The following EPSTI1 variants were observed in gnomAD, a reference collection of about 807,000 sequenced individuals.
The protein encoded by EPSTI1 is epithelial stromal interaction 1.
EPSTI1 carries 66 observed loss-of-function variants against 49.9 expected under a neutral mutation model. The observed-to-expected ratio is 1.32, with a 90% CI of 1.08 to 1.62. The LOEUF (loss-of-function observed/expected upper bound fraction) is 1.62. Among genes scored for constraint, EPSTI1 ranks in the 40% most tolerant of loss-of-function variants. EPSTI1 has a pLI of 0.00. For synonymous variants in EPSTI1, 137 were observed against 130.7 expected (o/e 1.05, Z -0.33); for missense variants, 394 against 365.5 (o/e 1.08, Z -0.64).
At chr13:42,956,735 C>T (rs748842549) in intron 5 of EPSTI1, among the ~76,000 whole-genome samples, 4 of 152,068 alleles carry the variant, frequency 2.6e-5, no homozygotes, top group Non-Finnish European at 5.9e-5. Flanking sequence ...AGGGGCATTC[C>T]CAGAACTTAA....
intron 3 of EPSTI1, 133 bp downstream of exon 3, chr13:42,968,961 T>G: frequency 1.5e-6 from 1 of 657,280 alleles, no homozygotes; most frequent in South Asian, 1.7e-5. Context: ...CACAATTAAA[T>G]GCATTCCACC....
chr13:42,960,909 C>T (rs1225165414), intron 5 of EPSTI1, among the ~76,000 whole-genome samples: 1 of 152,162 alleles, frequency 6.6e-6, no homozygotes, highest in Non-Finnish European at 1.5e-5. Flanking sequence ...GCAGGATACG[C>T]TCTCTATTTT....
At chr13:42,894,010 C>T (rs144008670) in intron 10 of EPSTI1, among the ~76,000 whole-genome samples, 246 of 152,250 alleles carry the variant, frequency 1.6e-3, no homozygotes, top group Non-Finnish European at 2.4e-3. Context: ...GCATATATTA[C>T]GGATAAATAG....
intron 6 of EPSTI1, among the ~76,000 whole-genome samples, chr13:42,939,543 G>C (rs11838989): frequency 0.018 from 2,706 of 152,268 alleles, 83 homozygotes; most frequent in African/African-American, 0.062. Context: ...AGAGGAGAGA[G>C]AGATAGACAG....
At chr13:42,928,691 G>T (rs1034351877) in intron 6 of EPSTI1, among the ~76,000 whole-genome samples, 8 of 152,176 alleles carry the variant, frequency 5.3e-5, no homozygotes, top group African/African-American at 1.7e-4. Flanking sequence ...CGCCTCAACA[G>T]AATACAGTTG....
chr13:42,899,654 AG>A (rs1566099148), intron 9 of EPSTI1, among the ~76,000 whole-genome samples: 1 of 152,202 alleles, frequency 6.6e-6, no homozygotes, highest in Non-Finnish European at 1.5e-5. Flanking sequence ...TTCTTCTCCA[AG>A]ATACTCAAGT....
At chr13:42,977,933 G>T (rs1190222813) in intron 1 of EPSTI1, among the ~76,000 whole-genome samples, 1 of 152,102 alleles carries the variant, frequency 6.6e-6, no homozygotes, top group African/African-American at 2.4e-5. Flanking sequence ...GGCAGATCAC[G>T]AGGTCAGGAG....
Position 42,911,271 on chromosome 13 carries a change from G to A in EPSTI1, c.741+6270C>T, listed in dbSNP as rs570996234. On this transcript the variant is annotated intron_variant, in intron 8 of 10. Coordinates refer to ENST00000313624, the MANE Select transcript of EPSTI1 (RefSeq NM_033255.5). ...TGTGTGTGTGTGTGTGTGTGCGCGCGCACGCGCGCACACGTGTGTGAGTGT... is the reference window on the plus strand; with the variant it reads ...TGTGTGTGTGTGTGTGTGTGCGCGCACACGCGCGCACACGTGTGTGAGTGT... Among the ~76,000 whole-genome samples the A allele has an allele frequency of 2.8e-4, 39 of 138,226 alleles. 1 individual carries two copies. The South Asian group carries it at 6.0e-3, about 21-fold the overall frequency. The allele number at this position is 138,226 out of a possible 152,430, so 90.7% of individuals were successfully genotyped here. A position where few individuals can be genotyped will look rare whatever the true frequency, so the allele number is the denominator to read the frequency against.
chr13:42,979,584 C>CA (rs144646467), intron 1 of EPSTI1, among the ~76,000 whole-genome samples: 2,622 of 80,502 alleles, frequency 0.033, 54 homozygotes, highest in South Asian at 0.16. Flanking sequence ...GACTCCGTCT[C>CA]AAAAAAAAAA....
At chr13:42,941,050 A>G (rs1250168159) in intron 6 of EPSTI1, among the ~76,000 whole-genome samples, 1 of 152,156 alleles carries the variant, frequency 6.6e-6, no homozygotes, top group African/African-American at 2.4e-5. Context: ...CTTCTATCAT[A>G]GATTTTAAAA....
At chr13:42,900,579 T>C (rs1274195541) in intron 8 of EPSTI1, among the ~76,000 whole-genome samples, 196 bp from the exon 9 acceptor site, 1 of 151,882 alleles carries the variant, frequency 6.6e-6, no homozygotes, top group African/African-American at 2.4e-5. Context: ...TCAAACAGAA[T>C]AGCTCTGTGA....
intron 7 of EPSTI1, among the ~76,000 whole-genome samples, chr13:42,921,838 A>G (rs2038007102): frequency 6.6e-6 from 1 of 150,678 alleles, no homozygotes. Flanking sequence ...AGGTTAAAGC[A>G]GGAGGAAAGA....
At chr13:42,891,992 T>A (rs1365949477) in intron 10 of EPSTI1, among the ~76,000 whole-genome samples, 1 of 152,156 alleles carries the variant, frequency 6.6e-6, no homozygotes, top group Non-Finnish European at 1.5e-5. Flanking sequence ...CAGCTTTAAC[T>A]AGGATGCCAA....
chr13:42,916,861 T>G (rs1023573611), intron 8 of EPSTI1, among the ~76,000 whole-genome samples: 6 of 152,188 alleles, frequency 3.9e-5, no homozygotes, highest in African/African-American at 1.4e-4. Context: ...ACCATGGGTC[T>G]TTCTCATCAT....
Position 42,917,522 on chromosome 13 carries a change from A to C in EPSTI1, c.741+19T>G. The C allele has an allele frequency of 6.3e-7, 1 of 1,586,690 alleles. No homozygotes were observed. The highest frequency in any genetic ancestry group is 8.6e-7 in the Non-Finnish European group (1 of 1,160,120). On this transcript the variant is annotated intron_variant, in intron 8 of 10. Transcript: ENST00000313624. ...CTCAAATAAACAGTTAGCAATAACTAGTAGGGGCTTGTAAGTACCTTTTGA... is the reference window on the plus strand; with the variant it reads ...CTCAAATAAACAGTTAGCAATAACTCGTAGGGGCTTGTAAGTACCTTTTGA...
chr13:42,900,590 G>A (rs182894006), intron 8 of EPSTI1, among the ~76,000 whole-genome samples: 2 of 151,842 alleles, frequency 1.3e-5, no homozygotes, highest in Admixed American at 1.3e-4. Context: ...AGCTCTGTGA[G>A]TGTAAAATTG....
chr13:42,941,888 T>C (rs1247156152), intron 6 of EPSTI1, among the ~76,000 whole-genome samples: 2 of 152,126 alleles, frequency 1.3e-5, no homozygotes, highest in East Asian at 3.8e-4. Flanking sequence ...TGCTTAGCAT[T>C]GTTATTCAAA....
intron 1 of EPSTI1, among the ~76,000 whole-genome samples, chr13:42,985,925 G>A (rs2040069426): frequency 1.3e-5 from 2 of 152,202 alleles, no homozygotes; most frequent in Admixed American, 1.3e-4. Flanking sequence ...ACCCATGGAA[G>A]AAACAAACTT....
intron 8 of EPSTI1, among the ~76,000 whole-genome samples, chr13:42,900,884 T>C (rs1181268542): frequency 2.6e-5 from 4 of 152,188 alleles, no homozygotes; most frequent in Non-Finnish European, 5.9e-5. Flanking sequence ...CACCTATTAT[T>C]GATTAGTTAC....
Sources: gnomAD v4.1 joint callset for allele counts (sites outside exome capture counted in the v4.1 genomes callset) on GRCh38, gnomAD v4.1.1 for gene constraint, MANE v1.5 for transcripts, NCBI Gene and HGNC (gene_info 2026-07-23, HGNC 2026-07-21) for gene names.